The following DACH1 variants were observed in gnomAD, a reference collection of about 807,000 sequenced individuals.
The protein encoded by DACH1 is dachshund homolog 1.
A neutral mutation model predicts 54.2 loss-of-function variants in DACH1; 12 were observed. The observed-to-expected ratio is 0.22, with a 90% CI of 0.14 to 0.36. The LOEUF is 0.36. Ranked by LOEUF, DACH1 falls within the 10% of genes least tolerant of loss-of-function variation. The pLI, the probability that DACH1 is intolerant of heterozygous loss-of-function variation, is 1.00. For synonymous variants in DACH1, 386 were observed against 366.2 expected (o/e 1.05, Z -0.62); for missense variants, 805 against 929.8 (o/e 0.87, Z 1.75).
At chr13:71,472,722 T>C (rs1877193642) in intron 10 of DACH1, among the ~76,000 whole-genome samples, 1 of 152,208 alleles carries the variant, frequency 6.6e-6, no homozygotes, top group Non-Finnish European at 1.5e-5. Context: ...TCTTGAATTG[T>C]GAAGCAGCAG....
chr13:71,456,622 T>C (rs909362797), intron 10 of DACH1, among the ~76,000 whole-genome samples: 3 of 152,100 alleles, frequency 2.0e-5, no homozygotes, highest in African/African-American at 7.2e-5. Context: ...ACTTGGACGA[T>C]AGCAAACTGT....
At chr13:71,673,718 C>T (rs531202305) in intron 2 of DACH1, among the ~76,000 whole-genome samples, 1 of 151,948 alleles carries the variant, frequency 6.6e-6, no homozygotes, top group Non-Finnish European at 1.5e-5. Context: ...ATGTAACAAA[C>T]CGGCACGTTC....
intron 2 of DACH1, among the ~76,000 whole-genome samples, chr13:71,665,361 A>G (rs1191269675): frequency 1.3e-5 from 2 of 152,040 alleles, no homozygotes; most frequent in Non-Finnish European, 2.9e-5. Context: ...CTCTCAATCT[A>G]TCATTTTGCT....
intron 2 of DACH1, among the ~76,000 whole-genome samples, chr13:71,633,704 A>T (rs1877270804): frequency 6.6e-6 from 1 of 152,174 alleles, no homozygotes; most frequent in African/African-American, 2.4e-5. Context: ...AGCAGAAAGC[A>T]AGCTATGACA....
chr13:71,608,096 T>A (rs566464208), intron 3 of DACH1, among the ~76,000 whole-genome samples: 49 of 151,726 alleles, frequency 3.2e-4, no homozygotes, highest in Non-Finnish European at 5.9e-4. Flanking sequence ...AAGATACACA[T>A]CCTCATGAAT....
intron 3 of DACH1, among the ~76,000 whole-genome samples, chr13:71,619,587 G>C (rs1055545124): frequency 6.6e-6 from 1 of 151,776 alleles, no homozygotes; most frequent in African/African-American, 2.4e-5. Context: ...TTGTACTTCA[G>C]TGAAAAGACA....
intron 1 of DACH1, among the ~76,000 whole-genome samples, chr13:71,733,813 G>T (rs1883863041): frequency 6.6e-6 from 1 of 151,834 alleles, no homozygotes; most frequent in South Asian, 2.1e-4. Flanking sequence ...TGTAATTTTG[G>T]TTCATAAAAA....
intron 1 of DACH1, among the ~76,000 whole-genome samples, chr13:71,770,139 A>T (rs1021258118): frequency 6.6e-6 from 1 of 151,720 alleles, no homozygotes; most frequent in African/African-American, 2.4e-5. Flanking sequence ...ATATTAAGTA[A>T]TAAAAAGTTT....
At chr13:71,754,008 G>A (rs1020528224) in intron 1 of DACH1, among the ~76,000 whole-genome samples, 27 of 152,142 alleles carry the variant, frequency 1.8e-4, no homozygotes, top group Non-Finnish European at 7.4e-5. Context: ...TAAATCAGAA[G>A]CAGCTTAATT....
At chr13:71,823,542 T>C (rs556232479) in intron 1 of DACH1, among the ~76,000 whole-genome samples, 1 of 152,164 alleles carries the variant, frequency 6.6e-6, no homozygotes, top group South Asian at 2.1e-4. Flanking sequence ...GAAGTACTTC[T>C]GGATGTTAAA....
intron 4 of DACH1, among the ~76,000 whole-genome samples, chr13:71,561,671 C>T (rs760011965): frequency 1.6e-4 from 24 of 152,108 alleles, no homozygotes; most frequent in Non-Finnish European, 3.1e-4. Context: ...TTCTTTGTTA[C>T]AGTGGCCCTA....
intron 2 of DACH1, among the ~76,000 whole-genome samples, chr13:71,667,397 A>G (rs1384242125): frequency 6.6e-6 from 1 of 152,208 alleles, no homozygotes; most frequent in East Asian, 1.9e-4. Context: ...TGCTGTTCAG[A>G]TGATGGGATG....
chr13:71,720,417 G>A (rs1192338751), intron 1 of DACH1, among the ~76,000 whole-genome samples: 1 of 152,154 alleles, frequency 6.6e-6, no homozygotes, highest in East Asian at 1.9e-4. Flanking sequence ...ATATATAGGT[G>A]TGTCAAGAGA....
chr13:71,777,227 T>G (rs1886100356), intron 1 of DACH1, among the ~76,000 whole-genome samples: 1 of 147,328 alleles, frequency 6.8e-6, no homozygotes, highest in Non-Finnish European at 1.5e-5. Context: ...AGGAAACATT[T>G]CCACCTTCTT....
chr13:71,585,640 A>G (rs911107909), intron 3 of DACH1, among the ~76,000 whole-genome samples: 5 of 152,170 alleles, frequency 3.3e-5, no homozygotes, highest in Non-Finnish European at 7.3e-5. Flanking sequence ...AACACATATT[A>G]GGAAAGTCTG....
chr13:71,551,503 T>C (rs145805025), intron 6 of DACH1, among the ~76,000 whole-genome samples: 1 of 152,200 alleles, frequency 6.6e-6, no homozygotes, highest in African/African-American at 2.4e-5. Flanking sequence ...ACTACCTTCA[T>C]GAGATACGCT....
intron 10 of DACH1, among the ~76,000 whole-genome samples, chr13:71,457,563 A>T (rs2138131443): frequency 6.6e-6 from 1 of 152,122 alleles, no homozygotes; most frequent in Non-Finnish European, 1.5e-5. Context: ...TCCATTTCTA[A>T]AAACTATTAG....
chr13:71,652,292 G>A (rs1878741343), intron 2 of DACH1, among the ~76,000 whole-genome samples: 1 of 152,000 alleles, frequency 6.6e-6, no homozygotes, highest in Admixed American at 6.6e-5. Flanking sequence ...CTCTCCCCAT[G>A]GCAGATTGTC....
At chr13:71,783,568 C>A (rs980912038) in intron 1 of DACH1, among the ~76,000 whole-genome samples, 3 of 151,916 alleles carry the variant, frequency 2.0e-5, no homozygotes, top group African/African-American at 7.3e-5. Context: ...ACCAGGGAAC[C>A]AGAATACAGA....
Sources: gnomAD v4.1 joint callset for allele counts (sites outside exome capture counted in the v4.1 genomes callset) on GRCh38, gnomAD v4.1.1 for gene constraint, MANE v1.5 for transcripts, NCBI Gene and HGNC (gene_info 2026-07-23, HGNC 2026-07-21) for gene names.